TTLL5: variants seen among roughly 807,000 people sequenced by gnomAD.
The protein encoded by TTLL5 is tubulin tyrosine ligase like 5, also known as tubulin polyglutamylase TTLL5.
Under a neutral mutation model 168.4 loss-of-function variants are expected in TTLL5, and 132 were observed. The ratio of observed to expected loss-of-function variants is 0.78; its 90% CI spans 0.68 to 0.91. The LOEUF is 0.91. Among genes scored for constraint, TTLL5 ranks in the 40% least tolerant of loss-of-function variants. The pLI, the probability that TTLL5 is intolerant of heterozygous loss-of-function variation, is 0.00. For synonymous variants in TTLL5, 546 were observed against 558.6 expected (o/e 0.98, Z 0.32); for missense variants, 1,545 against 1,581.5 (o/e 0.98, Z 0.39).
At chr14:75,769,454 G>A (rs932908257) in intron 20 of TTLL5, among the ~76,000 whole-genome samples, 2 of 152,138 alleles carry the variant, frequency 1.3e-5, no homozygotes, top group African/African-American at 2.4e-5. Flanking sequence ...TTTGTTGCAA[G>A]TGACTAGCTG....
intron 3 of TTLL5, among the ~76,000 whole-genome samples, chr14:75,676,505 G>A (rs919206756): frequency 9.2e-5 from 14 of 152,164 alleles, no homozygotes; most frequent in East Asian, 3.9e-4. Flanking sequence ...GAGGGCTACC[G>A]GACACAGAGT....
At chr14:75,831,079 G>A (rs768799498) in intron 28 of TTLL5, among the ~76,000 whole-genome samples, 43 of 152,132 alleles carry the variant, frequency 2.8e-4, no homozygotes, top group African/African-American at 9.4e-4. Flanking sequence ...AGCTCAAAAC[G>A]AGCTTACGTG....
chr14:75,928,996 A>T (rs982557101), intron 31 of TTLL5, among the ~76,000 whole-genome samples: 1 of 74,734 alleles, frequency 1.3e-5, no homozygotes, highest in African/African-American at 5.1e-5. Flanking sequence ...CCTCCTGCCC[A>T]CCCTCCCCAC....
rs1026858607 is a variant in TTLL5, at chr14:75,750,956, C to T, written c.1488-1937C>T. 2.6e-5 allele frequency among the ~76,000 whole-genome samples: 4 copies of T among 152,116 alleles called. No individual in the cohort carries two copies. In the East Asian group the frequency reaches 5.8e-4, roughly 22 times the overall value. ...GTGAGATGAGATGAAGTGAGGTGAA[C>T]GCCATAGGCATTGTGACGTGGTGTT... On this transcript the variant is annotated intron_variant, in intron 17 of 31. Coordinates refer to ENST00000298832, the MANE Select transcript of TTLL5 (RefSeq NM_015072.5).
At chr14:75,833,750 A>G (rs1430496019) in intron 28 of TTLL5, among the ~76,000 whole-genome samples, 1 of 152,174 alleles carries the variant, frequency 6.6e-6, no homozygotes, top group Non-Finnish European at 1.5e-5. Flanking sequence ...ATACATTAGA[A>G]ATGTTAAAAA....
chr14:75,943,218 G>C (rs953269023), intron 31 of TTLL5, among the ~76,000 whole-genome samples: 1 of 152,152 alleles, frequency 6.6e-6, no homozygotes, highest in Non-Finnish European at 1.5e-5. Context: ...CACCAGGCAG[G>C]AGTTAGGATT....
intron 28 of TTLL5, among the ~76,000 whole-genome samples, chr14:75,862,814 C>T (rs1460652426): frequency 2.0e-5 from 3 of 152,096 alleles, no homozygotes; most frequent in Non-Finnish European, 4.4e-5. Flanking sequence ...GGCATGATGG[C>T]ACACACCTAG....
chr14:75,926,090 GA>G (rs2034052581), intron 31 of TTLL5, among the ~76,000 whole-genome samples: 1 of 147,622 alleles, frequency 6.8e-6, no homozygotes, highest in Non-Finnish European at 1.5e-5. Flanking sequence ...GCCGTGGGGA[GA>G]GGGAGAGGGA....
chr14:75,871,686 T>C (rs933976989), intron 29 of TTLL5, among the ~76,000 whole-genome samples: 2 of 152,224 alleles, frequency 1.3e-5, no homozygotes, highest in African/African-American at 4.8e-5. Context: ...GTTTGTTTGT[T>C]TGTCTGTAGG....
intron 31 of TTLL5, among the ~76,000 whole-genome samples, chr14:75,925,342 C>A (rs1392062271): frequency 6.7e-6 from 1 of 150,276 alleles, no homozygotes; most frequent in Admixed American, 6.6e-5. Flanking sequence ...TCAGATGGGG[C>A]GGCCTGGCAG....
chr14:75,805,956 G>A (rs150374690), intron 27 of TTLL5, among the ~76,000 whole-genome samples: 105 of 151,614 alleles, frequency 6.9e-4, no homozygotes, highest in African/African-American at 2.3e-3. Context: ...ATGGAGAGCT[G>A]CAATTACCTT....
At chr14:75,801,055 G>A (rs1482648212) in intron 27 of TTLL5, among the ~76,000 whole-genome samples, 1 of 152,106 alleles carries the variant, frequency 6.6e-6, no homozygotes, top group African/African-American at 2.4e-5. Context: ...GTATTTGAGT[G>A]TCTCAGGTGG....
intron 30 of TTLL5, among the ~76,000 whole-genome samples, chr14:75,888,257 G>A (rs937165028): frequency 5.9e-5 from 9 of 152,222 alleles, no homozygotes; most frequent in East Asian, 1.9e-4. Context: ...TTGCGTGATG[G>A]TGTGTGTCTC....
intron 26 of TTLL5, among the ~76,000 whole-genome samples, chr14:75,791,161 A>G (rs1422704273): frequency 2.8e-4 from 43 of 151,668 alleles, no homozygotes; most frequent in Non-Finnish European, 4.4e-5. Flanking sequence ...TTGAAAATTT[A>G]CATACTTTGT....
Position 75,691,655 on chromosome 14 carries a change from C to T in TTLL5, c.502+1333C>T, listed in dbSNP as rs117440136. ...TGCAATGACCATTCCCCAGTAGCAT[C>T]GGTGTGAGAGAAGTCACTTCTCCCA... On this transcript the variant is annotated intron_variant, in intron 6 of 31. Coordinates refer to ENST00000298832, the MANE Select transcript of TTLL5 (RefSeq NM_015072.5). Among the ~76,000 whole-genome samples, 297 of 152,300 alleles carry T rather than the reference C, an allele frequency of 2.0e-3. 1 individual carries two copies. The highest frequency in any genetic ancestry group is 0.017 in the East Asian group (88 of 5,180).
chr14:75,783,045 C>A, intron 25 of TTLL5, 102 bp from the exon 26 acceptor site: 1 of 1,253,556 alleles, frequency 8.0e-7, no homozygotes, highest in Non-Finnish European at 1.1e-6. Context: ...CTGTTTCATG[C>A]CAAGATTATT....
chr14:75,771,031 A>C (rs902508271), intron 20 of TTLL5, among the ~76,000 whole-genome samples: 7 of 152,220 alleles, frequency 4.6e-5, no homozygotes, highest in African/African-American at 1.7e-4. Flanking sequence ...ATAAGTTCTT[A>C]TGGACCTCCA....
intron 18 of TTLL5, among the ~76,000 whole-genome samples, chr14:75,764,082 G>A (rs1053042641): frequency 1.3e-5 from 2 of 152,106 alleles, no homozygotes; most frequent in East Asian, 1.9e-4. Context: ...ACTTCTATGC[G>A]TCTCAGTCAA....
In TTLL5 at chr14:75,912,884, A is replaced by T. The variant is rs188766957; in HGVS notation, c.3823+10660A>T. 8.6e-4 allele frequency among the ~76,000 whole-genome samples: 131 copies of T among 152,350 alleles called. 1 individual carries two copies. The highest frequency in any genetic ancestry group is 1.9e-4 in the East Asian group (1 of 5,192). On this transcript the variant is annotated intron_variant, in intron 31 of 31. Transcript: ENST00000298832. ...GTGCAAAGATAAAATATTATAGTAC[A>T]CGTCAATGAAGACAGTTTTGTGAGG... is the stretch of plus-strand genomic sequence containing the variant.
Sources: allele counts gnomAD v4.1 joint callset (sites outside exome capture counted in the v4.1 genomes callset), GRCh38; gene constraint gnomAD v4.1.1; transcripts MANE v1.5; gene names NCBI Gene and HGNC (gene_info 2026-07-23, HGNC 2026-07-21).